The following PCCA variants were observed in gnomAD, a reference collection of about 807,000 sequenced individuals.
PCCA encodes the protein propionyl-CoA carboxylase subunit alpha.
Under a neutral mutation model 101.3 loss-of-function variants are expected in PCCA, and 74 were observed. That is an observed-to-expected ratio of 0.73 (90% CI 0.61 to 0.89). PCCA has a LOEUF of 0.89. PCCA is among the 40% of genes least tolerant of loss of function. The pLI is 0.00. For synonymous variants in PCCA, 294 were observed against 313.6 expected (o/e 0.94, Z 0.66); for missense variants, 891 against 907.0 (o/e 0.98, Z 0.23).
intron 18 of PCCA, among the ~76,000 whole-genome samples, chr13:100,358,696 G>A (rs2074210035): frequency 6.6e-6 from 1 of 152,152 alleles, no homozygotes; most frequent in African/African-American, 2.4e-5. Context: ...AAAAATTGAA[G>A]AGACACAAAA....
intron 19 of PCCA, among the ~76,000 whole-genome samples, chr13:100,374,205 A>T (rs1241389660): frequency 1.3e-5 from 2 of 152,190 alleles, no homozygotes; most frequent in Non-Finnish European, 2.9e-5. Flanking sequence ...GTGAAGTGTT[A>T]ATCGTAGGAG....
At chr13:100,220,711 T>C (rs975060493) in intron 7 of PCCA, among the ~76,000 whole-genome samples, 3 of 152,216 alleles carry the variant, frequency 2.0e-5, no homozygotes, top group Non-Finnish European at 4.4e-5. Context: ...CTTGGTGAAA[T>C]GATGCCATTT....
chr13:100,362,619 A>G (rs887903407), intron 18 of PCCA, among the ~76,000 whole-genome samples: 1 of 152,142 alleles, frequency 6.6e-6, no homozygotes, highest in Non-Finnish European at 1.5e-5. Context: ...AATCATGCCC[A>G]GTGTCTAAAT....
chr13:100,221,746 A>ATTTT (rs3034654), intron 7 of PCCA, among the ~76,000 whole-genome samples: 1,683 of 121,496 alleles, frequency 0.014, 69 homozygotes, highest in African/African-American at 0.049. Flanking sequence ...TCCCTGGGAA[A>ATTTT]TTTTTTTTTT....
At chr13:100,283,267 C>T (rs1372397626) in intron 12 of PCCA, among the ~76,000 whole-genome samples, 11 of 151,868 alleles carry the variant, frequency 7.2e-5, no homozygotes, top group East Asian at 1.9e-4. Flanking sequence ...GAATGACAGC[C>T]GAAGAAAGGG....
rs542591150 is a variant in PCCA, at chr13:100,486,068, G to A, written c.1900-29359G>A. ...CCACAGTTTCTGCATATGGCAGGTC[G>A]GAGCCCATCGTAGTGTCATGAGCCA... On this transcript the variant is annotated intron_variant, in intron 21 of 23. Coordinates refer to ENST00000376285, the MANE Select transcript of PCCA (RefSeq NM_000282.4). Among the ~76,000 whole-genome samples, 17 of 152,264 alleles carry A rather than the reference G, an allele frequency of 1.1e-4. No individual in the cohort carries two copies. In the East Asian group the frequency reaches 2.7e-3, roughly 24 times the overall value.
intron 19 of PCCA, among the ~76,000 whole-genome samples, chr13:100,402,495 T>A (rs941316641): frequency 1.3e-5 from 2 of 152,204 alleles, no homozygotes; most frequent in Admixed American, 1.3e-4. Context: ...ATCAAGGATC[T>A]GTCGTTCTTC....
chr13:100,375,787 A>G (rs1304104616), intron 19 of PCCA, among the ~76,000 whole-genome samples: 3 of 152,252 alleles, frequency 2.0e-5, no homozygotes, highest in African/African-American at 7.2e-5. Flanking sequence ...AAATTCACAC[A>G]TAACAATATT....
At chr13:100,524,052 G>GTT (rs2087520703) in intron 22 of PCCA, among the ~76,000 whole-genome samples, 1 of 152,220 alleles carries the variant, frequency 6.6e-6, no homozygotes, top group African/African-American at 2.4e-5. Context: ...CCACTGCCCA[G>GTT]CTCCCTGGTG....
intron 21 of PCCA, among the ~76,000 whole-genome samples, chr13:100,470,025 C>CA (rs2082875053): frequency 6.6e-6 from 1 of 152,152 alleles, no homozygotes; most frequent in Non-Finnish European, 1.5e-5. Context: ...TGACAGACAA[C>CA]ACAGTGGTTG....
At position 100,527,434 on chromosome 13, in the gene PCCA, C is replaced by T. The variant is rs535540188; in HGVS notation, c.2041-241C>T. 7.3e-5 allele frequency: 41 copies of T among 559,758 alleles called. No individual in the cohort carries two copies. The East Asian group carries it at 1.5e-3, about 21-fold the overall frequency. 34.7% of individuals were successfully genotyped at this position (559,758 alleles called of 1,614,324 possible). On this transcript the variant is annotated intron_variant, in intron 22 of 23. Coordinates refer to ENST00000376285, the MANE Select transcript of PCCA (RefSeq NM_000282.4). ...CCAGGGTAGGCCCCGCCGCCAGGGT[C>T]CCCACTTCTCCAGGGTCAGGGATTT...
intron 9 of PCCA, among the ~76,000 whole-genome samples, chr13:100,259,285 G>A (rs1370513236): frequency 1.3e-5 from 2 of 148,764 alleles, no homozygotes; most frequent in Non-Finnish European, 3.0e-5. Flanking sequence ...GACTTGTCTT[G>A]GAATCTGTAG....
chr13:100,434,896 A>T lies in PCCA; in HGVS notation c.1845+9165A>T, dbSNP rs560837724. ...TTAAGAATTCGACCTCCTCAAATTA[A>T]TTTTCCTCTTTTATTCTTTTAAGGT... On this transcript the variant is annotated intron_variant, in intron 20 of 23. Transcript: ENST00000376285. Among the ~76,000 whole-genome samples, 442 of 152,046 alleles carry T rather than the reference A, an allele frequency of 2.9e-3. 4 individuals carry two copies. Among genetic ancestry groups the T allele is most frequent in the African/African-American group, 0.01 (424 of 41,466 alleles).
At chr13:100,522,814 G>A (rs932586973) in intron 22 of PCCA, among the ~76,000 whole-genome samples, 1 of 152,164 alleles carries the variant, frequency 6.6e-6, no homozygotes, top group East Asian at 1.9e-4. Flanking sequence ...CCCATTTTGT[G>A]GCTCTGAAGG....
intron 19 of PCCA, among the ~76,000 whole-genome samples, chr13:100,420,899 A>C (rs2078700282): frequency 6.6e-6 from 1 of 152,132 alleles, no homozygotes; most frequent in Non-Finnish European, 1.5e-5. Context: ...GAAAATGAGC[A>C]CACTTCACTT....
At chr13:100,488,006 A>T (rs944163148) in intron 21 of PCCA, among the ~76,000 whole-genome samples, 6 of 152,164 alleles carry the variant, frequency 3.9e-5, no homozygotes, top group Admixed American at 3.9e-4. Context: ...CTGGGATTAC[A>T]GGTATGGCCA....
intron 18 of PCCA, among the ~76,000 whole-genome samples, chr13:100,353,359 A>G (rs1190022686): frequency 6.6e-6 from 1 of 152,226 alleles, no homozygotes; most frequent in Non-Finnish European, 1.5e-5. Flanking sequence ...AGGCTAGACC[A>G]TATTTACCAT....
chr13:100,122,177 C>T (rs2049470418), intron 4 of PCCA, among the ~76,000 whole-genome samples: 1 of 152,134 alleles, frequency 6.6e-6, no homozygotes, highest in Admixed American at 6.5e-5. Flanking sequence ...GGGTGTTAAA[C>T]CAGCCTTGAA....
chr13:100,264,895 C>G (rs184641225), intron 10 of PCCA, among the ~76,000 whole-genome samples: 14 of 152,224 alleles, frequency 9.2e-5, no homozygotes, highest in Admixed American at 4.6e-4. Context: ...AGTGGACTTA[C>G]GATGGTATGT....
Sources: gnomAD v4.1 joint callset for allele counts (sites outside exome capture counted in the v4.1 genomes callset) on GRCh38, gnomAD v4.1.1 for gene constraint, MANE v1.5 for transcripts, NCBI Gene and HGNC (gene_info 2026-07-23, HGNC 2026-07-21) for gene names.